CLASP1: variants seen among roughly 807,000 people sequenced by gnomAD.
CLASP1 encodes the protein CLIP-associating protein 1.
CLASP1 carries 38 observed loss-of-function variants against 192.3 expected under a neutral mutation model. The ratio of observed to expected loss-of-function variants is 0.20; its 90% CI spans 0.15 to 0.26. CLASP1 has a LOEUF of 0.26. CLASP1 is among the 10% of genes least tolerant of loss of function. The probability of loss-of-function intolerance (pLI) is 1.00; values close to 1 mark genes in which losing one functional copy is unlikely to be tolerated. For missense variants in CLASP1, 1,433 were observed against 1,932.5 expected (o/e 0.74, Z 4.85); for synonymous variants, 691 against 712.8 (o/e 0.97, Z 0.49).
At chr2:121,607,995 T>A (rs1176934965) in intron 1 of CLASP1, among the ~76,000 whole-genome samples, 1 of 152,286 alleles carries the variant, frequency 6.6e-6, no homozygotes, top group South Asian at 2.1e-4. Flanking sequence ...GAGGGAAGGA[T>A]AGCATTCAAC....
intron 10 of CLASP1, among the ~76,000 whole-genome samples, chr2:121,462,209 G>C (rs1348824361): frequency 6.8e-6 from 1 of 146,488 alleles, no homozygotes; most frequent in Non-Finnish European, 1.5e-5. Context: ...TCAAACTTAT[G>C]AATTAAAAAA....
intron 1 of CLASP1, among the ~76,000 whole-genome samples, chr2:121,641,651 C>A (rs1323092206): frequency 1.3e-5 from 2 of 152,136 alleles, no homozygotes; most frequent in African/African-American, 4.8e-5. Context: ...TGAAGGCCCT[C>A]ATGATTGCTT....
At chr2:121,443,249 C>A (rs1299003099) in intron 19 of CLASP1, among the ~76,000 whole-genome samples, 1 of 150,322 alleles carries the variant, frequency 6.7e-6, no homozygotes, top group Non-Finnish European at 1.5e-5. Context: ...GAGGGCAATT[C>A]TGACCTTACT....
rs115941125 is a variant in CLASP1 at position 121,502,743 on chromosome 2, A to C, written c.712+424T>G. Reference sequence around the variant, plus strand: ...CTTTGGAGGATTAGGAAGAAGATTAACACCACCCGACTTGTATTCTGAAAG... The same window carrying C: ...CTTTGGAGGATTAGGAAGAAGATTACCACCACCCGACTTGTATTCTGAAAG... On this transcript the variant is annotated intron_variant, in intron 8 of 39. Coordinates refer to ENST00000263710, the Ensembl canonical transcript of CLASP1. Among the ~76,000 whole-genome samples, 339 of 152,270 alleles carry C rather than the reference A, an allele frequency of 2.2e-3. 1 individual carries two copies. Among genetic ancestry groups the C allele is most frequent in the African/African-American group, 7.5e-3 (311 of 41,548 alleles).
At chr2:121,356,385 C>T (rs557010652) in intron 37 of CLASP1, among the ~76,000 whole-genome samples, 3 of 152,346 alleles carry the variant, frequency 2.0e-5, no homozygotes, top group South Asian at 4.1e-4. Flanking sequence ...GGATTTACAA[C>T]GGAGTGCCAG....
chr2:121,515,638 A>G, intron 7 of CLASP1, 27 bp downstream of exon 7: 1 of 1,580,612 alleles, frequency 6.3e-7, no homozygotes, highest in South Asian at 1.1e-5. Flanking sequence ...TGGGTAGAGC[A>G]GAAGAAAGGA....
intron 8 of CLASP1, among the ~76,000 whole-genome samples, chr2:121,484,242 T>C (rs1326863351): frequency 6.6e-6 from 1 of 152,174 alleles, no homozygotes; most frequent in Non-Finnish European, 1.5e-5. Flanking sequence ...CTAGCCCAAA[T>C]AGGTCAAGTG....
chr2:121,495,533 C>A (rs1158653265), intron 8 of CLASP1, among the ~76,000 whole-genome samples: 1 of 151,512 alleles, frequency 6.6e-6, no homozygotes, highest in Non-Finnish European at 1.5e-5. Flanking sequence ...TGGTGGTGAG[C>A]GCCTGTAATC....
chr2:121,535,120 A>G (rs2104897029), intron 2 of CLASP1, among the ~76,000 whole-genome samples: 2 of 152,282 alleles, frequency 1.3e-5, no homozygotes, highest in Middle Eastern at 6.8e-3. Flanking sequence ...TCTACGAAAA[A>G]ATACAAAACT....
chr2:121,450,669 T>C (rs1480296060), intron 16 of CLASP1, among the ~76,000 whole-genome samples: 1 of 152,194 alleles, frequency 6.6e-6, no homozygotes, highest in Non-Finnish European at 1.5e-5. Flanking sequence ...AGCTATGTGA[T>C]AATTTGTGAC....
At chr2:121,616,443 G>C (rs2066477724) in intron 1 of CLASP1, among the ~76,000 whole-genome samples, 1 of 152,038 alleles carries the variant, frequency 6.6e-6, no homozygotes, top group African/African-American at 2.4e-5. Flanking sequence ...GCAAAACTCT[G>C]TCTCAAAAAA....
chr2:121,525,983 C>T, intron 5 of CLASP1, 63 bp from the exon 6 acceptor site: 1 of 1,096,406 alleles, frequency 9.1e-7, no homozygotes, highest in Non-Finnish European at 1.4e-6. Flanking sequence ...AGATGCCTGT[C>T]TGCCCACACC....
At chr2:121,356,206 G>T (rs557184200) in intron 37 of CLASP1, among the ~76,000 whole-genome samples, 478 of 152,178 alleles carry the variant, frequency 3.1e-3, no homozygotes, top group Non-Finnish European at 5.4e-3. Context: ...TCATAGCAGC[G>T]TCTTGAGCTT....
At chr2:121,468,520 T>C (rs908017347) in intron 9 of CLASP1, among the ~76,000 whole-genome samples, 5 of 152,186 alleles carry the variant, frequency 3.3e-5, no homozygotes, top group African/African-American at 1.2e-4. Flanking sequence ...CCTAGGTATT[T>C]TATTCTTTTT....
At chr2:121,407,836 C>T (rs779943979) in intron 24 of CLASP1, 121 bp from the exon 26 acceptor site, 2 of 1,119,142 alleles carry the variant, frequency 1.8e-6, no homozygotes, top group African/African-American at 1.5e-5. Context: ...CATGCACACA[C>T]ACACTTTTCC....
intron 8 of CLASP1, among the ~76,000 whole-genome samples, chr2:121,492,404 A>G (rs112247802): frequency 5.4e-5 from 8 of 148,004 alleles, no homozygotes; most frequent in African/African-American, 1.8e-4. Context: ...AAAAAAAAAA[A>G]AAAAAAAAAA....
chr2:121,530,757 A>G (rs1212244128), intron 2 of CLASP1: 2 of 528,564 alleles, frequency 3.8e-6, no homozygotes, highest in African/African-American at 3.8e-5. Flanking sequence ...GGTGTCGTCG[A>G]AAGCTGTGGA....
chr2:121,550,883 A>G (rs1321475578), intron 2 of CLASP1, among the ~76,000 whole-genome samples: 1 of 152,198 alleles, frequency 6.6e-6, no homozygotes, highest in East Asian at 1.9e-4. Flanking sequence ...GGCCACCATC[A>G]TACTAATACC....
chr2:121,527,788 C>T lies in CLASP1; in HGVS notation c.470+11G>A, dbSNP rs761672959. The T allele has an allele frequency of 8.1e-6, 13 of 1,599,158 alleles. No homozygotes were observed. Among genetic ancestry groups the T allele is most frequent in the Non-Finnish European group, 1.0e-5 (12 of 1,169,430 alleles). On this transcript the variant is annotated intron_variant, in intron 5 of 39. Transcript: ENST00000263710. ...AGCCACGTAAAAATGTCAGGCTCAT[C>T]CCAGACTTACGCATTGAGTGTTGCT...
Sources: gnomAD v4.1 joint callset for allele counts (sites outside exome capture counted in the v4.1 genomes callset) on GRCh38, gnomAD v4.1.1 for gene constraint, MANE v1.5 for transcripts, NCBI Gene and HGNC (gene_info 2026-07-23, HGNC 2026-07-21) for gene names.